PCDHGB3: variants seen among roughly 807,000 people sequenced by gnomAD.
PCDHGB3 encodes the protein protocadherin gamma-B3.
A neutral mutation model predicts 59.2 loss-of-function variants in PCDHGB3; 40 were observed. The observed-to-expected ratio is 0.68, with a 90% CI of 0.52 to 0.88. The LOEUF is 0.88. PCDHGB3 is among the 40% of genes least tolerant of loss of function. PCDHGB3 has a pLI of 0.00. For synonymous variants in PCDHGB3, 581 were observed against 503.6 expected, an observed-to-expected ratio of 1.15 and a Z score of -2.06; for missense variants, 1,309 against 1,187.9, an observed-to-expected ratio of 1.10 and a Z score of -1.50.
intron 1 of PCDHGB3, among the ~76,000 whole-genome samples, chr5:141,456,854 T>C (rs924765803): frequency 7.2e-5 from 11 of 151,950 alleles, no homozygotes; most frequent in Non-Finnish European, 1.3e-4. Context: ...TCCCAGCTAA[T>C]TGGGAGGCTG....
chr5:141,499,921 C>A, intron 2 of PCDHGB3, among the ~76,000 whole-genome samples: 1 of 152,128 alleles, frequency 6.6e-6, no homozygotes, highest in Middle Eastern at 3.2e-3. Context: ...CTCCTGGCCT[C>A]AAGTGATCCA....
At position 141,477,004 on chromosome 5, in the gene PCDHGB3, C is replaced by T. The variant is rs1390668803; in HGVS notation, c.2416-17803C>T. On this transcript the variant is annotated intron_variant, in intron 1 of 3. Coordinates refer to ENST00000576222, the MANE Select transcript of PCDHGB3 (RefSeq NM_018924.5). The surrounding 1 kb of genome is among the most constrained non-coding windows in gnomAD (Gnocchi z 4.9). ...GCGCCGGCGTGCGGCAACTATTCGC[C>T]TTAGACCTTGTAACCGGGATGCTGA... is the stretch of plus-strand genomic sequence containing the variant. 3 of 1,614,236 alleles carry T rather than the reference C, an allele frequency of 1.9e-6. No homozygotes were observed. The highest frequency in any genetic ancestry group is 2.5e-6 in the Non-Finnish European group (3 of 1,180,042).
At chr5:141,400,524 G>A (rs958686867) in intron 1 of PCDHGB3, 1 of 1,613,802 alleles carries the variant, frequency 6.2e-7, no homozygotes, top group Non-Finnish European at 8.5e-7. Context: ...ATCCTGAGTT[G>A]GTGAGTTTCA....
intron 3 of PCDHGB3, among the ~76,000 whole-genome samples, chr5:141,508,792 CT>C (rs1475631459): frequency 6.6e-6 from 1 of 152,130 alleles, no homozygotes; most frequent in Non-Finnish European, 1.5e-5. Flanking sequence ...CTAAATCACT[CT>C]GGAATCCTGG....
rs752744809 is a variant in PCDHGB3, at chr5:141,393,680, T to C, written c.2415+20871T>C. On this transcript the variant is annotated intron_variant, in intron 1 of 3. Coordinates refer to ENST00000576222, the MANE Select transcript of PCDHGB3 (RefSeq NM_018924.5). The stretch of plus-strand genomic sequence containing the variant: ...TCCGGAAAATTAATGAAAAACAAAC[T>C]CCGTTATTCCAGCTTAATGAAAATA... 8 of 1,613,764 alleles carry C rather than the reference T, an allele frequency of 5.0e-6. No individual in the cohort carries two copies. The East Asian group carries it at 1.1e-4, about 22-fold the overall frequency.
chr5:141,419,389 G>C (rs551951411), intron 1 of PCDHGB3: 1 of 1,613,670 alleles, frequency 6.2e-7, no homozygotes, highest in South Asian at 1.1e-5. Context: ...TGAGCGCGCA[G>C]AGCGGGGTGG....
At chr5:141,450,008 T>C (rs78952430) in intron 1 of PCDHGB3, among the ~76,000 whole-genome samples, 2 of 37,390 alleles carry the variant, frequency 5.3e-5, no homozygotes, top group African/African-American at 6.8e-4. Flanking sequence ...CCATGTCTCT[T>C]TTTTTTTTTT....
chr5:141,438,074 T>C (rs963146682), intron 1 of PCDHGB3, among the ~76,000 whole-genome samples: 10 of 152,116 alleles, frequency 6.6e-5, no homozygotes, highest in African/African-American at 2.4e-4. Flanking sequence ...CCATACTTAA[T>C]GGAAAATTAC....
At chr5:141,374,130 T>A (rs368568776) in intron 1 of PCDHGB3, 2 of 1,604,204 alleles carry the variant, frequency 1.2e-6, no homozygotes, top group Middle Eastern at 1.7e-4. Context: ...CAGGTCCTGC[T>A]CCTCACGCTC....
chr5:141,472,071 A>T (rs1243864250), intron 1 of PCDHGB3, among the ~76,000 whole-genome samples: 5 of 152,200 alleles, frequency 3.3e-5, no homozygotes, highest in South Asian at 2.1e-4. Context: ...GTCTGTGGTT[A>T]TATCAATGAG....
At chr5:141,434,980 CTA>C in intron 1 of PCDHGB3, among the ~76,000 whole-genome samples, 1 of 151,954 alleles carries the variant, frequency 6.6e-6, no homozygotes, top group East Asian at 1.9e-4. Flanking sequence ...TGTTAATACT[CTA>C]TATCATTTTC....
chr5:141,416,101 C>CT (rs34144584), intron 1 of PCDHGB3: 1 of 158,972 alleles, frequency 6.3e-6, no homozygotes, highest in Non-Finnish European at 1.4e-5. Context: ...GGCAATAGGC[C>CT]TTTTTCAAAC....
At chr5:141,408,619 T>C in intron 1 of PCDHGB3, 1 of 1,613,974 alleles carries the variant, frequency 6.2e-7, no homozygotes, top group South Asian at 1.1e-5. Context: ...AGGAAATACA[T>C]TTAGAAATTT....
intron 2 of PCDHGB3, among the ~76,000 whole-genome samples, chr5:141,499,256 A>G (rs371266271): frequency 6.6e-6 from 1 of 151,968 alleles, no homozygotes; most frequent in Non-Finnish European, 1.5e-5. Context: ...AAGAGTCTCC[A>G]TTTGGTCCCT....
intron 1 of PCDHGB3, among the ~76,000 whole-genome samples, chr5:141,465,995 A>G (rs551920109): frequency 1.4e-3 from 208 of 151,976 alleles, no homozygotes; most frequent in African/African-American, 4.8e-3. Context: ...GGTGGCAGGC[A>G]CCTGTAGTCC....
chr5:141,417,859 GAT>G, intron 1 of PCDHGB3: 1 of 1,548,208 alleles, frequency 6.5e-7, no homozygotes, highest in Middle Eastern at 1.7e-4. Context: ...CCGAGCGAAC[GAT>G]GGGAGGGAGC....
intron 1 of PCDHGB3, among the ~76,000 whole-genome samples, chr5:141,472,602 T>C (rs1032061805): frequency 4.6e-5 from 7 of 152,026 alleles, no homozygotes; most frequent in African/African-American, 1.4e-4. Context: ...CTTGAAATTA[T>C]AAAACAAAGA....
intron 1 of PCDHGB3, chr5:141,403,303 C>T (rs1561687273): frequency 1.9e-6 from 3 of 1,613,820 alleles, no homozygotes; most frequent in South Asian, 2.2e-5. Flanking sequence ...TGAAACTGTA[C>T]GGAATAGAAA....
At chr5:141,434,667 G>A (rs1464226862) in intron 1 of PCDHGB3, among the ~76,000 whole-genome samples, 5 of 151,956 alleles carry the variant, frequency 3.3e-5, no homozygotes, top group African/African-American at 1.2e-4. Context: ...CTATAGAAAT[G>A]ATGCTAATGA....
Sources: allele counts gnomAD v4.1 joint callset (sites outside exome capture counted in the v4.1 genomes callset), GRCh38; gene constraint gnomAD v4.1.1; non-coding constraint Gnocchi (gnomAD v3.1); transcripts MANE v1.5; gene names NCBI Gene and HGNC (gene_info 2026-07-23, HGNC 2026-07-21).